Variants in CRB1 observed in about 807,000 individuals in gnomAD.
The protein encoded by CRB1 is protein crumbs homolog 1.
CRB1 carries 83 observed loss-of-function variants against 120.0 expected under a neutral mutation model. The observed-to-expected ratio is 0.69, with a 90% confidence interval of 0.58 to 0.83. The LOEUF is 0.83. Ranked by LOEUF, CRB1 falls within the 40% of genes least tolerant of loss-of-function variation. The pLI, the probability that CRB1 is intolerant of heterozygous loss-of-function variation, is 0.00. For synonymous variants in CRB1, 625 were observed against 612.5 expected (o/e 1.02, Z -0.30); for missense variants, 1,699 against 1,687.6 (o/e 1.01, Z -0.12).
intron 11 of CRB1, among the ~76,000 whole-genome samples, chr1:197,476,504 G>A (rs1273828545): frequency 6.6e-6 from 1 of 151,790 alleles, no homozygotes; most frequent in African/African-American, 2.4e-5. Context: ...ATAGTAAATG[G>A]TCAATAAGTA....
chr1:197,250,425 A>G, the CRB1 span, among the ~76,000 whole-genome samples: 1 of 152,010 alleles, frequency 6.6e-6, no homozygotes. Context: ...TTAAATATAG[A>G]TGACTAGTAT....
intron 3 of CRB1, 82 bp downstream of exon 3, chr1:197,344,558 C>G (rs1659661942): frequency 7.4e-7 from 1 of 1,351,734 alleles, no homozygotes; most frequent in Non-Finnish European, 1.1e-6. Context: ...ATTTAGAGCT[C>G]TCACGTTCTC....
At chr1:197,253,409 G>T in the CRB1 span, among the ~76,000 whole-genome samples, 1 of 152,016 alleles carries the variant, frequency 6.6e-6, no homozygotes, top group African/African-American at 2.4e-5. Context: ...ATAGCACTTT[G>T]AACATTTTTT....
At chr1:197,263,337 A>G (rs547349615), upstream of CRB1, among the ~76,000 whole-genome samples, 1 of 152,260 alleles carries the variant, frequency 6.6e-6, no homozygotes, top group South Asian at 2.1e-4. Context: ...TCTTTTGAGA[A>G]GTGTCTGTTC....
chr1:197,233,910 A>T, the CRB1 span, among the ~76,000 whole-genome samples: 1 of 152,178 alleles, frequency 6.6e-6, no homozygotes. Context: ...CTGGAGAGAC[A>T]TTTATCAGTC....
At chr1:197,302,179 C>T (rs940286077) in intron 1 of CRB1, among the ~76,000 whole-genome samples, 6 of 152,204 alleles carry the variant, frequency 3.9e-5, no homozygotes, top group African/African-American at 1.4e-4. Context: ...GCAACCATCA[C>T]CCTGATCAGT....
In CRB1 at chr1:197,427,605, T is replaced by C; in HGVS notation, c.2280T>C (p.Tyr760=). 1 of 1,614,008 alleles carries C rather than the reference T, an allele frequency of 6.2e-7. No individual in the cohort carries two copies. Among genetic ancestry groups the C allele is most frequent in the Non-Finnish European group, 8.5e-7 (1 of 1,180,002 alleles). Reference sequence around the variant, plus strand: ...TTCTAGCTTTGGAAAACAGCACTTATCAATATATCCGTGTCTGGCTAGAGC... The same window carrying C: ...TTCTAGCTTTGGAAAACAGCACTTACCAATATATCCGTGTCTGGCTAGAGC... ...GLLLALENST[Y]QYIRVWLERG... is the part of the protein sequence containing the mutation. Residue 760 remains tyrosine, a synonymous_variant, in exon 7 of 12, where the codon TAT becomes TAC. Coordinates refer to ENST00000367400, the MANE Select transcript of CRB1 (RefSeq NM_201253.3).
chr1:197,283,039 G>A (rs1312241997), intron 1 of CRB1, among the ~76,000 whole-genome samples: 1 of 151,714 alleles, frequency 6.6e-6, no homozygotes, highest in Non-Finnish European at 1.5e-5. Context: ...ACACCAGTGG[G>A]CAAGGAAGGG....
At chr1:197,257,249 C>T in the CRB1 span, among the ~76,000 whole-genome samples, 20 of 152,216 alleles carry the variant, frequency 1.3e-4, no homozygotes, top group African/African-American at 4.3e-4. Flanking sequence ...CCTTCTTCCA[C>T]CTTTTTGTTC....
the CRB1 span, among the ~76,000 whole-genome samples, chr1:197,233,264 C>A: frequency 1.3e-5 from 2 of 152,096 alleles, no homozygotes; most frequent in Non-Finnish European, 2.9e-5. Flanking sequence ...TGAGATAGTT[C>A]CTGGAGGAAT....
intron 1 of CRB1, among the ~76,000 whole-genome samples, chr1:197,300,116 C>G (rs1402726387): frequency 6.6e-6 from 1 of 151,884 alleles, no homozygotes; most frequent in East Asian, 1.9e-4. Context: ...TCTCCCTATT[C>G]TCAGGCCTCC....
At chr1:197,289,427 A>G (rs1054938338) in intron 1 of CRB1, among the ~76,000 whole-genome samples, 1 of 151,228 alleles carries the variant, frequency 6.6e-6, no homozygotes, top group African/African-American at 2.4e-5. Context: ...CATTTTCTTT[A>G]TCTTCAGTGT....
chr1:197,413,611 A>G (rs976014130), intron 5 of CRB1, among the ~76,000 whole-genome samples: 2 of 152,236 alleles, frequency 1.3e-5, no homozygotes, highest in African/African-American at 4.8e-5. Flanking sequence ...AGATTTCCCA[A>G]AATTCATTTC....
At chr1:197,449,849 GA>G (rs1447126592) in intron 11 of CRB1, among the ~76,000 whole-genome samples, 1 of 152,180 alleles carries the variant, frequency 6.6e-6, no homozygotes, top group African/African-American at 2.4e-5. Flanking sequence ...GATTTGAGCA[GA>G]AATCATTTTC....
At chr1:197,408,919 C>T (rs1176734147) in intron 5 of CRB1, among the ~76,000 whole-genome samples, 1 of 152,210 alleles carries the variant, frequency 6.6e-6, no homozygotes, top group African/African-American at 2.4e-5. Context: ...TACCTATATC[C>T]ACTGAGCTTC....
chr1:197,392,377 A>G (rs1289413723), intron 5 of CRB1, among the ~76,000 whole-genome samples: 1 of 152,144 alleles, frequency 6.6e-6, no homozygotes, highest in Admixed American at 6.6e-5. Context: ...AACCAGGTTA[A>G]CAGGATCATA....
At chr1:197,357,637 C>G (rs1175119275) in intron 5 of CRB1, 2 of 159,074 alleles carry the variant, frequency 1.3e-5, no homozygotes. Flanking sequence ...CCTACAATTG[C>G]ATTGATATCA....
At chr1:197,243,356 CCA>C in the CRB1 span, among the ~76,000 whole-genome samples, 2 of 152,070 alleles carry the variant, frequency 1.3e-5, no homozygotes, top group African/African-American at 2.4e-5. Context: ...TAGCATTGTC[CCA>C]GAGATTCTGG....
intron 5 of CRB1, among the ~76,000 whole-genome samples, chr1:197,418,114 G>A (rs1456342872): frequency 6.6e-6 from 1 of 151,940 alleles, no homozygotes; most frequent in East Asian, 1.9e-4. Flanking sequence ...AGAAAAAATC[G>A]TGTTTTGCTT....
Sources: allele counts gnomAD v4.1 joint callset (sites outside exome capture counted in the v4.1 genomes callset), GRCh38; gene constraint gnomAD v4.1.1; transcripts MANE v1.5; gene names NCBI Gene and HGNC (gene_info 2026-07-23, HGNC 2026-07-21).